STOX2: variants seen among roughly 807,000 people sequenced by gnomAD.
The protein encoded by STOX2 is storkhead-box protein 2.
In STOX2, 28 loss-of-function variants were observed where a neutral mutation model predicts 60.9. The observed-to-expected ratio is 0.46, with a 90% CI of 0.34 to 0.63. The LOEUF is 0.63. Ranked by LOEUF, STOX2 falls within the 30% of genes least tolerant of loss-of-function variation. STOX2 has a pLI of 0.01. For missense variants in STOX2, 1,024 were observed against 1,187.7 expected, an observed-to-expected ratio of 0.86 and a Z score of 2.03; for synonymous variants, 472 against 463.9, an observed-to-expected ratio of 1.02 and a Z score of -0.22.
rs192079888 is a variant in STOX2 at position 183,876,185 on chromosome 4, A to C, written c.364+78130A>C. ...CCTGAACCCTGTGTCTGGCCCACAC[A>C]GTTCTCTGACAGAGACTGTCTACAA... On this transcript the variant is annotated intron_variant, in intron 1 of 2. Transcript: ENST00000513034. Among the ~76,000 whole-genome samples, 404 of 152,238 alleles carry C rather than the reference A, an allele frequency of 2.7e-3. 2 individuals carry two copies. The highest frequency in any genetic ancestry group is 9.4e-3 in the African/African-American group (389 of 41,548).
chr4:183,815,968 G>A (rs1349629355), intron 1 of STOX2, among the ~76,000 whole-genome samples: 1 of 152,200 alleles, frequency 6.6e-6, no homozygotes, highest in East Asian at 1.9e-4. Context: ...ATACGTGGTT[G>A]GACACCTGGA....
intron 1 of STOX2, among the ~76,000 whole-genome samples, chr4:183,879,998 G>GC (rs1740919137): frequency 2.6e-5 from 4 of 151,944 alleles, no homozygotes; most frequent in African/African-American, 9.7e-5. Flanking sequence ...TCTTTTTTCT[G>GC]TTTTTTTAGA....
intron 1 of STOX2, among the ~76,000 whole-genome samples, chr4:183,888,851 C>T (rs1481307403): frequency 6.6e-6 from 1 of 152,028 alleles, no homozygotes; most frequent in Non-Finnish European, 1.5e-5. Flanking sequence ...TGCTGACTTA[C>T]TGCTTGTTCC....
At chr4:183,852,715 GA>G (rs1740186185) in intron 1 of STOX2, among the ~76,000 whole-genome samples, 1 of 152,184 alleles carries the variant, frequency 6.6e-6, no homozygotes, top group Non-Finnish European at 1.5e-5. Context: ...GAACTTTTAA[GA>G]TTTATGTTAA....
chr4:183,801,982 C>T (rs1200517328), intron 1 of STOX2, among the ~76,000 whole-genome samples: 1 of 152,220 alleles, frequency 6.6e-6, no homozygotes, highest in Non-Finnish European at 1.5e-5. Flanking sequence ...TGCTCTCCTT[C>T]GGTACACTTG....
chr4:183,812,695 T>A (rs1272387378), intron 1 of STOX2, among the ~76,000 whole-genome samples: 1 of 152,196 alleles, frequency 6.6e-6, no homozygotes, highest in Non-Finnish European at 1.5e-5. Context: ...ATAAAAAAAA[T>A]GCTTTTACTT....
At chr4:184,012,739 C>G (rs764566253) in intron 3 of STOX2, among the ~76,000 whole-genome samples, 1 of 152,174 alleles carries the variant, frequency 6.6e-6, no homozygotes, top group South Asian at 2.1e-4. Context: ...CCCCATCCCT[C>G]GAGGAGCCTC....
chr4:183,909,397 C>A (rs993252982), intron 1 of STOX2, among the ~76,000 whole-genome samples: 1 of 152,054 alleles, frequency 6.6e-6, no homozygotes, highest in African/African-American at 2.4e-5. Flanking sequence ...ACACATGAGG[C>A]CTTTCATATT....
chr4:183,806,305 G>C lies in STOX2; in HGVS notation c.364+8250G>C, dbSNP rs989865552. ...TGTCACCTCCCCACTCCCCAATAAC[G>C]TACGTTTGGGAAGCACATGATGTCC... On this transcript the variant is annotated intron_variant, in intron 1 of 2. Coordinates refer to the STOX2 transcript ENST00000513034. The surrounding 1 kb of genome is among the most constrained non-coding windows in gnomAD (Gnocchi z 4.1). 6.6e-6 allele frequency among the ~76,000 whole-genome samples: 1 copy of C among 152,092 alleles called. No individual in the cohort carries two copies. Among genetic ancestry groups the C allele is most frequent in the Non-Finnish European group, 1.5e-5 (1 of 68,034 alleles).
intron 1 of STOX2, among the ~76,000 whole-genome samples, chr4:183,930,030 A>AT (rs1382954640): frequency 6.6e-6 from 1 of 151,492 alleles, no homozygotes; most frequent in Admixed American, 6.6e-5. Flanking sequence ...CGCCTGGCTA[A>AT]TTTTTTGTAT....
intron 1 of STOX2, among the ~76,000 whole-genome samples, chr4:183,887,904 C>T (rs574841913): frequency 5.9e-5 from 9 of 152,106 alleles, no homozygotes; most frequent in Middle Eastern, 3.4e-3. Context: ...CCACCATGCC[C>T]GGCTAATTTT....
At chr4:183,878,085 G>A (rs754694350) in intron 1 of STOX2, among the ~76,000 whole-genome samples, 1 of 152,194 alleles carries the variant, frequency 6.6e-6, no homozygotes, top group Non-Finnish European at 1.5e-5. Context: ...TGGAAACTGA[G>A]TTGCAGAAAG....
intron 1 of STOX2, among the ~76,000 whole-genome samples, chr4:183,990,250 G>C (rs1343314443): frequency 1.3e-5 from 2 of 152,094 alleles, no homozygotes; most frequent in Non-Finnish European, 2.9e-5. Flanking sequence ...CCAAATCTCT[G>C]TCCCCTGGAA....
chr4:183,805,328 GATTTCCAAC>G (rs1372581519), intron 1 of STOX2, among the ~76,000 whole-genome samples: 10 of 152,188 alleles, frequency 6.6e-5, no homozygotes, highest in Non-Finnish European at 1.5e-4. Flanking sequence ...GACATGATAT[GATTTCCAAC>G]ATTTCTTAAT....
At position 183,806,991 on chromosome 4, in the gene STOX2, G is replaced by C. The variant is rs1490113733; in HGVS notation, c.364+8936G>C. 2.9e-5 allele frequency among the ~76,000 whole-genome samples: 4 copies of C among 139,778 alleles called. No individual in the cohort carries two copies. The South Asian group carries it at 9.2e-4, about 32-fold the overall frequency. The allele number at this position is 139,778 out of a possible 152,430, so 91.7% of individuals were successfully genotyped here. On this transcript the variant is annotated intron_variant, in intron 1 of 2. Transcript: ENST00000513034. The surrounding 1 kb of genome is among the most constrained non-coding windows in gnomAD (Gnocchi z 4.1). ...CACTTTCTTTTTTTCTTTTTTTTTTGAGACGGAGTCTTGCTCTGTCGCCCA... is the reference window on the plus strand; with the variant it reads ...CACTTTCTTTTTTTCTTTTTTTTTTCAGACGGAGTCTTGCTCTGTCGCCCA...
intron 1 of STOX2, among the ~76,000 whole-genome samples, chr4:183,929,443 T>G (rs1252562290): frequency 1.3e-5 from 2 of 152,208 alleles, no homozygotes; most frequent in Admixed American, 6.5e-5. Context: ...TATATGACAT[T>G]ACGTGTAGTA....
chr4:183,885,961 T>C (rs1741068518), intron 1 of STOX2, among the ~76,000 whole-genome samples: 1 of 152,196 alleles, frequency 6.6e-6, no homozygotes, highest in Admixed American at 6.5e-5. Flanking sequence ...TCTGCAGAGA[T>C]GGAGGCCCAC....
At chr4:183,810,891 A>T (rs1739020130) in intron 1 of STOX2, among the ~76,000 whole-genome samples, 1 of 152,128 alleles carries the variant, frequency 6.6e-6, no homozygotes, top group South Asian at 2.1e-4. Context: ...GCAGCACAAC[A>T]TGGACTAAGA....
chr4:183,821,984 G>T lies in STOX2; in HGVS notation c.364+23929G>T, dbSNP rs374823891. ...TGGAAAAGGTGATACAGTTTGTGTC[G>T]GGTCTTGCAGCCAGGCTGGCTGGGG... On this transcript the variant is annotated intron_variant, in intron 1 of 2. Coordinates refer to the STOX2 transcript ENST00000513034. The surrounding 1 kb of genome is among the most constrained non-coding windows in gnomAD (Gnocchi z 4.2). Among the ~76,000 whole-genome samples, 1 of 152,226 alleles carries T rather than the reference G, an allele frequency of 6.6e-6. No homozygotes were observed. The highest frequency in any genetic ancestry group is 1.5e-5 in the Non-Finnish European group (1 of 68,044).
Sources: allele counts gnomAD v4.1 joint callset (sites outside exome capture counted in the v4.1 genomes callset), GRCh38; gene constraint gnomAD v4.1.1; non-coding constraint Gnocchi (gnomAD v3.1); transcripts MANE v1.5; gene names NCBI Gene and HGNC (gene_info 2026-07-23, HGNC 2026-07-21).